Variants in CCNY observed in about 807,000 individuals in gnomAD.
CCNY encodes cyclin Y, also known as cyclin-Y.
CCNY carries 19 observed loss-of-function variants against 42.8 expected under a neutral mutation model. That is an observed-to-expected ratio of 0.44 (90% confidence interval 0.31 to 0.65). CCNY has a LOEUF of 0.65. Among genes scored for constraint, CCNY ranks in the 30% least tolerant of loss-of-function variants. CCNY has a pLI of 0.07. For missense variants in CCNY, 370 were observed against 437.3 expected (o/e 0.85, Z 1.37); for synonymous variants, 165 against 162.7 (o/e 1.01, Z -0.11).
At chr10:35,370,585 A>G (rs1200413624) in intron 1 of CCNY, among the ~76,000 whole-genome samples, 1 of 152,026 alleles carries the variant, frequency 6.6e-6, no homozygotes, top group African/African-American at 2.4e-5. Context: ...ATGACTAGGA[A>G]TCTTCTCTGG....
chr10:35,463,121 C>G (rs929819578), intron 1 of CCNY, among the ~76,000 whole-genome samples: 1 of 152,198 alleles, frequency 6.6e-6, no homozygotes, highest in African/African-American at 2.4e-5. Flanking sequence ...GGGATTCAAG[C>G]TAGGGTTCTG....
In CCNY at chr10:35,571,731, T is replaced by C. The variant is rs1306108269; in HGVS notation, c.*2561T>C. 6.6e-6 allele frequency: 1 copy of C among 152,358 alleles called. No individual in the cohort carries two copies. The highest frequency in any genetic ancestry group is 2.4e-5 in the African/African-American group (1 of 41,460). The allele number at this position is 152,358 out of a possible 1,614,324, so 9.4% of individuals were successfully genotyped here. On this transcript the variant is annotated 3_prime_UTR_variant, in exon 10 of 10. Transcript: ENST00000374704. The stretch of plus-strand genomic sequence containing the variant: ...TACAGTACTTACTGATAAATCGTAG[T>C]GACTGTAATTTGTTTGTAAGGCGAA...
At chr10:35,352,241 G>A (rs1472466756) in intron 1 of CCNY, among the ~76,000 whole-genome samples, 1 of 152,292 alleles carries the variant, frequency 6.6e-6, no homozygotes, top group South Asian at 2.1e-4. Flanking sequence ...TAAACACAAT[G>A]CTAGTACTCC....
At chr10:35,248,183 G>C (rs1410130807) in exon 2 of CCNY, 3 of 152,386 alleles carry the variant, frequency 2.0e-5, no homozygotes, top group Non-Finnish European at 4.4e-5. Context: ...GGGACTAGAA[G>C]TCATCGCCCC....
intron 3 of CCNY, among the ~76,000 whole-genome samples, chr10:35,300,298 A>T (rs374731182): frequency 6.6e-6 from 1 of 151,954 alleles, no homozygotes; most frequent in East Asian, 1.9e-4. Flanking sequence ...CAAGGCTGCC[A>T]CGCCCTGCCT....
At position 35,350,067 on chromosome 10, in the gene CCNY, G is replaced by T. The variant is rs552030849; in HGVS notation, c.154+12860G>T. Reference sequence around the variant, plus strand: ...GTCTCCTCCTCCAGCTTTGCAAAGGGCTGCGTTGTTCCTTTTGACTCCTTA... The same window carrying T: ...GTCTCCTCCTCCAGCTTTGCAAAGGTCTGCGTTGTTCCTTTTGACTCCTTA... On this transcript the variant is annotated intron_variant, in intron 1 of 9. Coordinates refer to ENST00000374704, the MANE Select transcript of CCNY (RefSeq NM_145012.6). Among the ~76,000 whole-genome samples, 120 of 152,160 alleles carry T rather than the reference G, an allele frequency of 7.9e-4. 1 individual carries two copies. The highest frequency in any genetic ancestry group is 1.4e-3 in the Non-Finnish European group (96 of 68,040).
chr10:35,512,945 G>C (rs796383457), intron 3 of CCNY, among the ~76,000 whole-genome samples: 6 of 152,262 alleles, frequency 3.9e-5, no homozygotes, highest in African/African-American at 1.4e-4. Flanking sequence ...TCGTATGTTT[G>C]TGTGTGCATG....
chr10:35,543,635 T>C (rs1349063297), intron 7 of CCNY, among the ~76,000 whole-genome samples: 1 of 152,230 alleles, frequency 6.6e-6, no homozygotes, highest in African/African-American at 2.4e-5. Flanking sequence ...ACGACTCTGT[T>C]ACTGTTTAAT....
intron 1 of CCNY, among the ~76,000 whole-genome samples, chr10:35,352,752 G>A (rs1479441558): frequency 6.6e-6 from 1 of 152,160 alleles, no homozygotes; most frequent in Non-Finnish European, 1.5e-5. Context: ...GAGTCCCCTG[G>A]ATGGCAGAGG....
intron 1 of CCNY, among the ~76,000 whole-genome samples, chr10:35,455,124 G>T (rs928711965): frequency 6.6e-6 from 1 of 152,154 alleles, no homozygotes; most frequent in Non-Finnish European, 1.5e-5. Flanking sequence ...ACAACACTCT[G>T]TTCCCAAAGA....
upstream of CCNY, chr10:35,336,333 C>T (rs1008106869): frequency 2.6e-5 from 4 of 152,206 alleles, no homozygotes; most frequent in African/African-American, 9.7e-5. Flanking sequence ...CCCGCGACCC[C>T]AGTGCCCGAG....
intron 1 of CCNY, among the ~76,000 whole-genome samples, chr10:35,416,905 C>G (rs1290551117): frequency 2.0e-5 from 3 of 152,166 alleles, no homozygotes; most frequent in Non-Finnish European, 4.4e-5. Context: ...AAAGCCCAGC[C>G]TGAGTGTAGC....
At chr10:35,490,639 G>C (rs996663462) in intron 2 of CCNY, among the ~76,000 whole-genome samples, 3 of 152,208 alleles carry the variant, frequency 2.0e-5, no homozygotes, top group African/African-American at 7.2e-5. Flanking sequence ...TGTAAACCCA[G>C]AGCCGGAAGT....
intron 1 of CCNY, among the ~76,000 whole-genome samples, chr10:35,481,781 ACG>A (rs926189720): frequency 6.6e-5 from 10 of 152,204 alleles, no homozygotes; most frequent in African/African-American, 2.2e-4. Context: ...ACATTTAGTA[ACG>A]CATTTGTTAT....
intron 3 of CCNY, among the ~76,000 whole-genome samples, chr10:35,506,716 C>T (rs1158084617): frequency 6.6e-6 from 1 of 151,904 alleles, no homozygotes; most frequent in African/African-American, 2.4e-5. Flanking sequence ...GCTACATTGT[C>T]CTTGTTAAGA....
Position 35,379,537 on chromosome 10 carries a change from T to C in CCNY, c.154+42330T>C, listed in dbSNP as rs113727764. On this transcript the variant is annotated intron_variant, in intron 1 of 9. Transcript: ENST00000374704. ...GACTTAGAACCAGCGAGGGAAGTGA[T>C]TGAGTGAGCTACTGGCAGAACTTGT... Among the ~76,000 whole-genome samples, 511 of 152,348 alleles carry C rather than the reference T, an allele frequency of 3.4e-3. 4 individuals are homozygous for C. Among genetic ancestry groups the C allele is most frequent in the African/African-American group, 0.012 (481 of 41,592 alleles).
intron 1 of CCNY, among the ~76,000 whole-genome samples, chr10:35,378,719 C>G (rs1055970941): frequency 3.3e-5 from 5 of 151,952 alleles, no homozygotes; most frequent in Non-Finnish European, 5.9e-5. Context: ...CATCCTGCCC[C>G]GTTCGATCCT....
At chr10:35,422,354 G>A (rs547403775) in intron 1 of CCNY, among the ~76,000 whole-genome samples, 5 of 152,244 alleles carry the variant, frequency 3.3e-5, no homozygotes, top group Admixed American at 2.0e-4. Flanking sequence ...TTTGAAAAAA[G>A]CATTGGACTT....
At chr10:35,387,501 C>T (rs1283996146) in intron 1 of CCNY, among the ~76,000 whole-genome samples, 6 of 152,030 alleles carry the variant, frequency 3.9e-5, no homozygotes, top group African/African-American at 1.4e-4. Flanking sequence ...AGAATGGCTT[C>T]CAAACTGTCG....
Sources: gnomAD v4.1 joint callset for allele counts (sites outside exome capture counted in the v4.1 genomes callset) on GRCh38, gnomAD v4.1.1 for gene constraint, MANE v1.5 for transcripts, NCBI Gene and HGNC (gene_info 2026-07-23, HGNC 2026-07-21) for gene names.